TMCO2: variants seen among roughly 807,000 people sequenced by gnomAD.
TMCO2 encodes the protein transmembrane and coiled-coil domain-containing protein 2.
TMCO2 carries 15 observed loss-of-function variants against 18.0 expected under a neutral mutation model. The ratio of observed to expected loss-of-function variants is 0.84; its 90% CI spans 0.56 to 1.29. TMCO2 has a LOEUF of 1.29. TMCO2 is among the 50% of genes most tolerant of loss of function. The probability of loss-of-function intolerance (pLI) is 0.00; values close to 1 mark genes in which losing one functional copy is unlikely to be tolerated. For synonymous variants in TMCO2, 79 were observed against 75.9 expected (o/e 1.04, Z -0.21); for missense variants, 182 against 200.9 (o/e 0.91, Z 0.57).
intron 1 of TMCO2, among the ~76,000 whole-genome samples, chr1:40,249,153 C>G (rs2124568748): frequency 6.6e-6 from 1 of 152,066 alleles, no homozygotes; most frequent in South Asian, 2.1e-4. Context: ...TTTGTAAGAG[C>G]TGGCAAAATT....
At chr1:40,249,557 C>T (rs976651871) in intron 1 of TMCO2, among the ~76,000 whole-genome samples, 3 of 147,784 alleles carry the variant, frequency 2.0e-5, no homozygotes, top group African/African-American at 5.0e-5. Flanking sequence ...CCAGCCTGGG[C>T]GACAAAGACT....
At chr1:40,250,612 C>T (rs566364426) in intron 1 of TMCO2, among the ~76,000 whole-genome samples, 2 of 152,156 alleles carry the variant, frequency 1.3e-5, no homozygotes, top group Non-Finnish European at 2.9e-5. Flanking sequence ...CCTGGCTCTG[C>T]CACTTCCAAT....
chr1:40,250,169 A>C (rs989303530), intron 1 of TMCO2, among the ~76,000 whole-genome samples: 7 of 151,312 alleles, frequency 4.6e-5, no homozygotes, highest in African/African-American at 1.7e-4. Flanking sequence ...GCTAATTTTA[A>C]AAATTTTTTT....
rs1370369819 is a variant in TMCO2 at position 40,249,574 on chromosome 1, C to CA, written c.237+1357dup. 2.4e-3 allele frequency among the ~76,000 whole-genome samples: 295 copies of CA among 125,340 alleles called. 2 individuals are homozygous for CA. The highest frequency in any genetic ancestry group is 9.0e-3 in the Middle Eastern group (2 of 222). The allele number at this position is 125,340 out of a possible 152,430, so 82.2% of individuals were successfully genotyped here. A position where few individuals can be genotyped will look rare whatever the true frequency, so the allele number is the denominator to read the frequency against. ...AGCCTGGGCGACAAAGACTGTGTCT[C>CA]AAAAAAAAAAAAAGTGGTGCTAGTT... On this transcript the variant is annotated intron_variant, in intron 1 of 1. Transcript: ENST00000372766.
chr1:40,249,433 G>A (rs191382988), intron 1 of TMCO2, among the ~76,000 whole-genome samples: 9 of 151,804 alleles, frequency 5.9e-5, no homozygotes, highest in East Asian at 2.0e-4. Flanking sequence ...AAAATTAGCC[G>A]GGTGTGGTGG....
intron 1 of TMCO2, among the ~76,000 whole-genome samples, chr1:40,248,611 CTGATA>C (rs1643356883): frequency 1.3e-5 from 2 of 152,244 alleles, no homozygotes; most frequent in Admixed American, 1.3e-4. Flanking sequence ...TGTTCTGTAA[CTGATA>C]AGGAGGCATA....
At chr1:40,248,260 T>C (rs1417248320) in intron 1 of TMCO2, 30 bp downstream of exon 1, 1 of 1,528,358 alleles carries the variant, frequency 6.5e-7, no homozygotes, top group Non-Finnish European at 9.0e-7. Flanking sequence ...AACATTTATA[T>C]AGTTATAAAT....
chr1:40,250,125 C>G lies in TMCO2; in HGVS notation c.238-1158C>G, dbSNP rs375369161. ...GATCCTCCTGCCTCAGCCTCCTGAG[C>G]AGTTGGAACCATAGGCATGCACCAC... On this transcript the variant is annotated intron_variant, in intron 1 of 1. Coordinates refer to ENST00000372766, the MANE Select transcript of TMCO2 (RefSeq NM_001008740.4). Among the ~76,000 whole-genome samples the G allele has an allele frequency of 5.7e-3, 861 of 151,268 alleles. 7 individuals are homozygous for G. The highest frequency in any genetic ancestry group is 0.02 in the African/African-American group (825 of 41,242).
rs749639688 is a variant in TMCO2 at position 40,251,537 on chromosome 1, C to T, written c.492C>T (p.Cys164=). ...GGGATTGCTCCTCTGAGCCCTACTGCAGCTGCTCTGACTGCCAGAGTCCCT... is the reference window on the plus strand; with the variant it reads ...GGGATTGCTCCTCTGAGCCCTACTGTAGCTGCTCTGACTGCCAGAGTCCCT... ...TKRDCSSEPY[C]SCSDCQSPLS... is the part of the protein sequence containing the mutation. Residue 164 remains cysteine, a synonymous_variant, in exon 2 of 2, where the codon TGC becomes TGT. Coordinates refer to ENST00000372766, the MANE Select transcript of TMCO2 (RefSeq NM_001008740.4). 4 of 1,613,214 alleles carry T rather than the reference C, an allele frequency of 2.5e-6. No homozygotes were observed. The highest frequency in any genetic ancestry group is 3.4e-6 in the Non-Finnish European group (4 of 1,179,846).
intron 1 of TMCO2, 140 bp from the exon 2 acceptor site, chr1:40,251,136 CAAAAAAA>C (rs59384076): frequency 4.8e-6 from 2 of 419,760 alleles, no homozygotes; most frequent in East Asian, 5.1e-5. Context: ...AACTCCATCT[CAAAAAAA>C]AAAAAAAAAA....
Position 40,251,482 on chromosome 1 carries a change from T to C in TMCO2, c.437T>C (p.Ile146Thr). 6.2e-7 allele frequency: 1 copy of C among 1,613,890 alleles called. No homozygotes were observed. The highest frequency in any genetic ancestry group is 8.5e-7 in the Non-Finnish European group (1 of 1,179,958). ...VENKMKNLEG[I>T]IVAQKPATKR... ...AACAAAATGAAGAACCTAGAAGGGA[T>C]AATCGTTGCTCAAAAACCTGCCACG... The change falls in exon 2 of 2, where the codon ATA (isoleucine) becomes ACA (threonine). Residue 146 changes from isoleucine to threonine, a missense_variant. By Grantham distance (89) the Ile-to-Thr change is moderately conservative (BLOSUM62 -1). Coordinates refer to ENST00000372766, the MANE Select transcript of TMCO2 (RefSeq NM_001008740.4).
At chr1:40,249,037 C>T (rs1403060652) in intron 1 of TMCO2, among the ~76,000 whole-genome samples, 1 of 152,008 alleles carries the variant, frequency 6.6e-6, no homozygotes, top group African/African-American at 2.4e-5. Context: ...GTCACGGGGC[C>T]TTTCTATTTT....
chr1:40,251,270 TG>T lies in TMCO2; in HGVS notation c.238-12del, dbSNP rs752760980. ...GTAGCAACTAACACTCAACTTCTGT[TG>T]TTCCATTTTAGAAAACATTGTTGTT... On this transcript the variant is annotated splice_polypyrimidine_tract_variant and intron_variant, in intron 1 of 1. Coordinates refer to ENST00000372766, the MANE Select transcript of TMCO2 (RefSeq NM_001008740.4). The T allele has an allele frequency of 4.4e-6, 7 of 1,602,996 alleles. No homozygotes were observed. The South Asian group carries it at 7.9e-5, about 18-fold the overall frequency.
intron 1 of TMCO2, 50 bp from the exon 2 acceptor site, chr1:40,251,233 A>G (rs1293880161): frequency 1.3e-6 from 2 of 1,498,156 alleles, no homozygotes; most frequent in Non-Finnish European, 1.8e-6. Flanking sequence ...TTTCTCTTAT[A>G]GATAGTAAAC....
At position 40,248,099 on chromosome 1, in the gene TMCO2, C is replaced by T. The variant is rs1472744223; in HGVS notation, c.106C>T (p.Pro36Ser). ...QASFLGETSAPQQTSLGLLDN... is the reference protein window; with the variant it reads ...QASFLGETSASQQTSLGLLDN... ...AAGTTTTTTGGGAGAGACTAGTGCA[C>T]CTCAGCAAACAAGTTTGGGACTATT... Residue 36 changes from proline to serine, a missense_variant, in exon 1 of 2, where the codon CCT becomes TCT. Transcript: ENST00000372766. 6.2e-7 allele frequency: 1 copy of T among 1,614,156 alleles called. No homozygotes were observed. Among genetic ancestry groups the T allele is most frequent in the Non-Finnish European group, 8.5e-7 (1 of 1,180,024 alleles).
intron 1 of TMCO2, among the ~76,000 whole-genome samples, chr1:40,251,054 G>A (rs760827146): frequency 2.7e-5 from 4 of 150,170 alleles, no homozygotes; most frequent in East Asian, 2.0e-4. Flanking sequence ...GGAGAATGGC[G>A]TGAACCTGGG....
rs572891398 is a variant in TMCO2 at position 40,248,977 on chromosome 1, T to C, written c.237+747T>C. Among the ~76,000 whole-genome samples the C allele has an allele frequency of 9.0e-4, 137 of 152,328 alleles. 1 individual carries two copies. The highest frequency in any genetic ancestry group is 3.1e-3 in the African/African-American group (127 of 41,582). ...GCAGAGAGAAGTTGTTATTGGATCA[T>C]TTTTTAGCATTCACTTATTTTCATA... is the stretch of plus-strand genomic sequence containing the variant. On this transcript the variant is annotated intron_variant, in intron 1 of 1. Coordinates refer to ENST00000372766, the MANE Select transcript of TMCO2 (RefSeq NM_001008740.4).
intron 1 of TMCO2, among the ~76,000 whole-genome samples, chr1:40,250,247 A>G (rs1643371269): frequency 1.3e-5 from 2 of 151,460 alleles, no homozygotes; most frequent in African/African-American, 4.8e-5. Flanking sequence ...GCCTCATGCA[A>G]TCCTCCCATC....
chr1:40,249,752 C>A (rs1296527861), intron 1 of TMCO2, among the ~76,000 whole-genome samples: 1 of 151,940 alleles, frequency 6.6e-6, no homozygotes, highest in Non-Finnish European at 1.5e-5. Context: ...CGGCTCACTG[C>A]AACCTCTGCC....
Sources: allele counts gnomAD v4.1 joint callset (sites outside exome capture counted in the v4.1 genomes callset), GRCh38; gene constraint gnomAD v4.1.1; transcripts MANE v1.5; gene names NCBI Gene and HGNC (gene_info 2026-07-23, HGNC 2026-07-21).